PAM: variants seen among roughly 807,000 people sequenced by gnomAD.
PAM encodes the protein peptidyl-glycine alpha-amidating monooxygenase.
A neutral mutation model predicts 122.1 loss-of-function variants in PAM; 72 were observed. The ratio of observed to expected loss-of-function variants is 0.59; its 90% CI spans 0.49 to 0.72. The LOEUF (loss-of-function observed/expected upper bound fraction) is 0.72. PAM is among the 30% of genes least tolerant of loss of function. The pLI is 0.00. For missense variants in PAM, 1,106 were observed against 1,183.7 expected, an observed-to-expected ratio of 0.93 and a Z score of 0.96; for synonymous variants, 389 against 404.4, an observed-to-expected ratio of 0.96 and a Z score of 0.46.
intron 3 of PAM, among the ~76,000 whole-genome samples, chr5:102,885,737 G>A (rs1158158132): frequency 6.6e-6 from 1 of 151,970 alleles, no homozygotes; most frequent in African/African-American, 2.4e-5. Flanking sequence ...TCTGCCAGAG[G>A]TGAATACTGT....
downstream of PAM, chr5:103,029,860 G>T (rs1786007442): frequency 6.6e-6 from 1 of 152,118 alleles, no homozygotes; most frequent in African/African-American, 2.4e-5. Flanking sequence ...AAATTTAGAA[G>T]ATACTTTAGC....
intron 3 of PAM, among the ~76,000 whole-genome samples, chr5:102,897,082 A>G (rs2151345622): frequency 6.6e-6 from 1 of 151,700 alleles, no homozygotes. Flanking sequence ...TTCCTCTCAT[A>G]ATCAAAATTC....
At chr5:102,939,523 G>A (rs1462245709) in intron 7 of PAM, among the ~76,000 whole-genome samples, 1 of 151,908 alleles carries the variant, frequency 6.6e-6, no homozygotes, top group African/African-American at 2.4e-5. Context: ...AAATTCCAAG[G>A]GAATGTTGAG....
chr5:102,794,786 A>G (rs1466716410), intron 1 of PAM, among the ~76,000 whole-genome samples: 6 of 152,100 alleles, frequency 3.9e-5, no homozygotes, highest in African/African-American at 1.4e-4. Flanking sequence ...GTCTTTCATG[A>G]GATTTACAAG....
At chr5:102,965,096 A>C (rs79184485) in intron 14 of PAM, among the ~76,000 whole-genome samples, 2 of 151,120 alleles carry the variant, frequency 1.3e-5, no homozygotes, top group Admixed American at 1.3e-4. Context: ...GTGATTCTGC[A>C]TGGAGGAAAT....
intron 3 of PAM, among the ~76,000 whole-genome samples, chr5:102,901,054 C>T (rs1188159260): frequency 1.3e-5 from 2 of 151,550 alleles, no homozygotes; most frequent in Non-Finnish European, 3.0e-5. Context: ...TTAAATTGTT[C>T]TACTCTTTTT....
At chr5:102,840,751 C>G (rs1279643567) in intron 1 of PAM, among the ~76,000 whole-genome samples, 1 of 152,190 alleles carries the variant, frequency 6.6e-6, no homozygotes, top group Non-Finnish European at 1.5e-5. Flanking sequence ...AGCCTCCAAT[C>G]ATCACATGCT....
At chr5:102,915,250 C>A (rs1802749671) in intron 5 of PAM, among the ~76,000 whole-genome samples, 1 of 152,124 alleles carries the variant, frequency 6.6e-6, no homozygotes, top group Non-Finnish European at 1.5e-5. Flanking sequence ...TGCATCCTAA[C>A]ATTCATTAGC....
chr5:102,959,604 A>C (rs1023605836), intron 12 of PAM, among the ~76,000 whole-genome samples: 2 of 152,104 alleles, frequency 1.3e-5, no homozygotes, highest in Admixed American at 1.3e-4. Flanking sequence ...ATATTCCCTC[A>C]TCTACTAAAA....
intron 12 of PAM, among the ~76,000 whole-genome samples, chr5:102,954,232 T>C (rs934182850): frequency 1.3e-5 from 2 of 152,030 alleles, no homozygotes; most frequent in African/African-American, 4.8e-5. Context: ...ATTTCTGTGA[T>C]TTTAGTGCAC....
intron 4 of PAM, among the ~76,000 whole-genome samples, chr5:102,903,797 G>A (rs752167556): frequency 6.6e-6 from 1 of 151,558 alleles, no homozygotes; most frequent in African/African-American, 2.4e-5. Flanking sequence ...AGGGAGAAAT[G>A]AGCAAAGTTA....
At chr5:102,930,001 T>C (rs1224596200) in intron 7 of PAM, among the ~76,000 whole-genome samples, 1 of 152,170 alleles carries the variant, frequency 6.6e-6, no homozygotes, top group Non-Finnish European at 1.5e-5. Flanking sequence ...TAGACTGTGA[T>C]CTTCCTTAGT....
intron 4 of PAM, among the ~76,000 whole-genome samples, chr5:102,911,254 C>T (rs1404444254): frequency 1.3e-5 from 2 of 151,856 alleles, no homozygotes; most frequent in Non-Finnish European, 2.9e-5. Context: ...TGGTTAGTTG[C>T]TTGTTTTTGC....
At chr5:102,868,401 T>C (rs902415035) in intron 3 of PAM, among the ~76,000 whole-genome samples, 4 of 152,218 alleles carry the variant, frequency 2.6e-5, no homozygotes, top group African/African-American at 9.7e-5. Flanking sequence ...ATTCATTTAT[T>C]TGAAGACCTG....
intron 21 of PAM, among the ~76,000 whole-genome samples, chr5:103,015,190 A>G (rs1259567841): frequency 6.6e-6 from 1 of 152,190 alleles, no homozygotes; most frequent in Non-Finnish European, 1.5e-5. Flanking sequence ...TGAAGTACAC[A>G]TTGGTATGCC....
At chr5:102,940,637 A>G (rs1754890384) in intron 7 of PAM, among the ~76,000 whole-genome samples, 1 of 151,978 alleles carries the variant, frequency 6.6e-6, no homozygotes, top group East Asian at 1.9e-4. Flanking sequence ...TTAGTAACCA[A>G]GTATAATATT....
intron 15 of PAM, among the ~76,000 whole-genome samples, chr5:102,980,050 T>A (rs1342706331): frequency 6.6e-6 from 1 of 152,134 alleles, no homozygotes; most frequent in Admixed American, 6.5e-5. Flanking sequence ...AGGTAATGTA[T>A]ATTTACCTTA....
intron 7 of PAM, among the ~76,000 whole-genome samples, chr5:102,937,289 T>G (rs542395454): frequency 6.6e-6 from 1 of 152,186 alleles, no homozygotes; most frequent in South Asian, 2.1e-4. Context: ...TATTCCTTCA[T>G]TTTTTTACAT....
At chr5:102,761,272 C>G (rs1039831407) in intron 1 of PAM, among the ~76,000 whole-genome samples, 1 of 152,126 alleles carries the variant, frequency 6.6e-6, no homozygotes, top group Non-Finnish European at 1.5e-5. Context: ...AATGACACCG[C>G]AGAATTAAGG....
Sources: allele counts gnomAD v4.1 joint callset (sites outside exome capture counted in the v4.1 genomes callset), GRCh38; gene constraint gnomAD v4.1.1; transcripts MANE v1.5; gene names NCBI Gene and HGNC (gene_info 2026-07-23, HGNC 2026-07-21).